CLTC: variants seen among roughly 807,000 people sequenced by gnomAD.
CLTC encodes the protein clathrin heavy chain.
In CLTC, 16 loss-of-function variants were observed where a neutral mutation model predicts 195.8. The ratio of observed to expected loss-of-function variants is 0.08; its 90% CI spans 0.06 to 0.12. The LOEUF (loss-of-function observed/expected upper bound fraction) is 0.12, where lower values mean the gene tolerates loss of function less well. CLTC is among the 10% of genes least tolerant of loss of function. CLTC has a pLI of 1.00. For synonymous variants in CLTC, 667 were observed against 689.4 expected (o/e 0.97, Z 0.51); for missense variants, 796 against 2,027.0 (o/e 0.39, Z 11.66).
intron 1 of CLTC, among the ~76,000 whole-genome samples, chr17:59,620,716 G>A (rs1360826170): frequency 6.6e-6 from 1 of 152,028 alleles, no homozygotes; most frequent in African/African-American, 2.4e-5. Context: ...GGGGGTTGGG[G>A]GTGGTGGTGA....
chr17:59,666,002 T>C lies in CLTC; in HGVS notation c.1645-101T>C. On this transcript the variant is annotated intron_variant, in intron 10 of 31. Transcript: ENST00000269122. This position sits in a 1 kb window ranked among gnomAD's most constrained non-coding sequence, Gnocchi z 4.9. ...AATTTGTTCTTAAGTGTTTATATTG[T>C]CCAAATAAAATTCTCAGGTAAAGAA... The C allele has an allele frequency of 1.1e-6, 1 of 871,760 alleles. No individual in the cohort carries two copies. The allele number at this position is 871,760 out of a possible 1,614,324, so 54.0% of individuals were successfully genotyped here.
At chr17:59,651,456 A>C in intron 5 of CLTC, 140 bp downstream of exon 5, 1 of 652,060 alleles carries the variant, frequency 1.5e-6, no homozygotes, top group Non-Finnish European at 2.7e-6. Context: ...GCTTTGTAAA[A>C]TAATACCTTG....
chr17:59,651,855 A>G (rs541518316), intron 5 of CLTC, among the ~76,000 whole-genome samples: 1 of 152,308 alleles, frequency 6.6e-6, no homozygotes, highest in South Asian at 2.1e-4. Flanking sequence ...TTGCTGCATC[A>G]ATTGACTCTT....
Position 59,681,140 on chromosome 17 carries a change from A to G in CLTC, c.3065+83A>G. On this transcript the variant is annotated intron_variant, in intron 19 of 31. Transcript: ENST00000269122. This position sits in a 1 kb window ranked among gnomAD's most constrained non-coding sequence, Gnocchi z 5.0. The stretch of plus-strand genomic sequence containing the variant: ...CCATCAGTTTTGGGAAGGAACAAAA[A>G]GATCAGAGAAAGTTGCCTGAATTCT... 2 of 1,523,012 alleles carry G rather than the reference A, an allele frequency of 1.3e-6. No homozygotes were observed. Among genetic ancestry groups the G allele is most frequent in the Non-Finnish European group, 1.8e-6 (2 of 1,124,448 alleles). The allele number at this position is 1,523,012 out of a possible 1,614,324, so 94.3% of individuals were successfully genotyped here. A position where few individuals can be genotyped will look rare whatever the true frequency, so the allele number is the denominator to read the frequency against.
At chr17:59,692,641 C>CT (rs574645442) in intron 31 of CLTC, among the ~76,000 whole-genome samples, 35 of 151,652 alleles carry the variant, frequency 2.3e-4, no homozygotes, top group Non-Finnish European at 3.4e-4. Context: ...CTGAATATGT[C>CT]TTTTTTTTTC....
At chr17:59,636,093 C>T (rs953357032) in intron 1 of CLTC, among the ~76,000 whole-genome samples, 2 of 151,054 alleles carry the variant, frequency 1.3e-5, no homozygotes, top group African/African-American at 4.9e-5. Context: ...GAGATCGTGC[C>T]ATTGCACTCC....
chr17:59,663,363 A>G (rs1275328741), intron 8 of CLTC, among the ~76,000 whole-genome samples: 1 of 152,204 alleles, frequency 6.6e-6, no homozygotes, highest in Non-Finnish European at 1.5e-5. Flanking sequence ...GATCCCTCAG[A>G]CATATATAGG....
At position 59,666,263 on chromosome 17, in the gene CLTC, G is replaced by C. The variant is rs1361411023; in HGVS notation, c.1782+23G>C. Reference sequence around the variant, plus strand: ...CAAGTATGTGTTTTAATGCTTTTTAGGCATGTTTCCAACATTGTTTTAGTA... The same window carrying C: ...CAAGTATGTGTTTTAATGCTTTTTACGCATGTTTCCAACATTGTTTTAGTA... On this transcript the variant is annotated intron_variant, in intron 11 of 31. Coordinates refer to ENST00000269122, the MANE Select transcript of CLTC (RefSeq NM_004859.4). The surrounding 1 kb of genome is among the most constrained non-coding windows in gnomAD (Gnocchi z 4.9). The C allele has an allele frequency of 6.2e-7, 1 of 1,608,476 alleles. No homozygotes were observed. The highest frequency in any genetic ancestry group is 1.3e-5 in the African/African-American group (1 of 74,936).
In CLTC at chr17:59,666,444, G is replaced by A. The variant is rs113010855; in HGVS notation, c.1783-36G>A. Reference sequence around the variant, plus strand: ...ATATTGAATTACTCATGTAAGTGGAGTGGACAATAAACTTGCCTTGTTTGT... The same window carrying A: ...ATATTGAATTACTCATGTAAGTGGAATGGACAATAAACTTGCCTTGTTTGT... On this transcript the variant is annotated intron_variant, in intron 11 of 31. Coordinates refer to ENST00000269122, the MANE Select transcript of CLTC (RefSeq NM_004859.4). The surrounding 1 kb of genome is among the most constrained non-coding windows in gnomAD (Gnocchi z 4.9). 5.6e-6 allele frequency: 9 copies of A among 1,603,072 alleles called. No homozygotes were observed. Among genetic ancestry groups the A allele is most frequent in the Admixed American group, 1.7e-5 (1 of 59,106 alleles).
At chr17:59,676,848 G>C in intron 16 of CLTC, 106 bp from the exon 17 acceptor site, 1 of 852,658 alleles carries the variant, frequency 1.2e-6, no homozygotes, top group Non-Finnish European at 1.8e-6. Flanking sequence ...GAAAAAGTAT[G>C]TGAAAGCACA....
intron 17 of CLTC, among the ~76,000 whole-genome samples, chr17:59,678,998 C>T (rs769327948): frequency 5.3e-5 from 8 of 152,168 alleles, no homozygotes; most frequent in Non-Finnish European, 8.8e-5. Flanking sequence ...AGCAAGACTC[C>T]TACTTTCTGA....
At chr17:59,629,981 A>G (rs540749414) in intron 1 of CLTC, among the ~76,000 whole-genome samples, 6 of 152,190 alleles carry the variant, frequency 3.9e-5, no homozygotes, top group Non-Finnish European at 7.3e-5. Flanking sequence ...TCAAAAATGC[A>G]TATGCAGAGT....
intron 3 of CLTC, 100 bp downstream of exon 3, chr17:59,647,766 T>A: frequency 9.4e-7 from 1 of 1,065,364 alleles, no homozygotes; most frequent in African/African-American, 1.6e-5. Context: ...TACTCAATCC[T>A]GTTGAATTTC....
chr17:59,674,647 TCC>T, intron 15 of CLTC, 52 bp from the exon 16 acceptor site: 4 of 1,481,820 alleles, frequency 2.7e-6, no homozygotes, highest in Admixed American at 4.7e-5. Context: ...TTTTTAAAAT[TCC>T]TCTTTGCTTT....
chr17:59,648,248 T>C lies in CLTC; in HGVS notation c.528T>C (p.Arg176=), dbSNP rs1181910183. ...TCTTTGATCCTTTATAGCAAAATCG[T>C]GTGGTGGGAGCTATGCAGCTATATT... ...LLTGISAQQN[R]VVGAMQLYSV... Residue 176 remains arginine (R), a synonymous_variant, in exon 4 of 32, where the codon CGT becomes CGC. Coordinates refer to ENST00000269122, the MANE Select transcript of CLTC (RefSeq NM_004859.4). The surrounding 1 kb of genome is among the most constrained non-coding windows in gnomAD (Gnocchi z 4.5). 2.5e-6 allele frequency: 4 copies of C among 1,609,738 alleles called. No homozygotes were observed. The highest frequency in any genetic ancestry group is 3.4e-6 in the Non-Finnish European group (4 of 1,178,248).
Position 59,656,195 on chromosome 17 carries a change from T to C in CLTC, c.969+168T>C, listed in dbSNP as rs1045353998. ...AGTAACTTTGGATATTAGAAAATAA[T>C]ATATATCAAAGCACGATGTAAGCTG... On this transcript the variant is annotated intron_variant, in intron 6 of 31. Transcript: ENST00000269122. The C allele has an allele frequency of 3.3e-5, 19 of 573,184 alleles. No homozygotes were observed. In the South Asian group the frequency reaches 4.1e-4, roughly 13 times the overall value. 35.5% of individuals were successfully genotyped at this position (573,184 alleles called of 1,614,324 possible).
At chr17:59,676,216 G>C (rs2032962630) in intron 16 of CLTC, among the ~76,000 whole-genome samples, 1 of 152,060 alleles carries the variant, frequency 6.6e-6, no homozygotes, top group Non-Finnish European at 1.5e-5. Flanking sequence ...ATAAAAGGAG[G>C]CATGGTCATC....
intron 17 of CLTC, among the ~76,000 whole-genome samples, chr17:59,678,419 A>T (rs1330435510): frequency 6.6e-6 from 1 of 151,958 alleles, no homozygotes; most frequent in Non-Finnish European, 1.5e-5. Flanking sequence ...CAAAATGAAA[A>T]TTTTTCAAAC....
chr17:59,672,832 C>T (rs1256651243), intron 14 of CLTC, among the ~76,000 whole-genome samples: 4 of 152,094 alleles, frequency 2.6e-5, no homozygotes, highest in African/African-American at 9.7e-5. Context: ...TTCTGCTTCC[C>T]TAGTAGACTG....
Sources: allele counts gnomAD v4.1 joint callset (sites outside exome capture counted in the v4.1 genomes callset), GRCh38; gene constraint gnomAD v4.1.1; non-coding constraint Gnocchi (gnomAD v3.1); transcripts MANE v1.5; gene names NCBI Gene and HGNC (gene_info 2026-07-23, HGNC 2026-07-21).